Variants in SHCBP1 observed in about 807,000 individuals in gnomAD.
SHCBP1 encodes the protein SHC binding and spindle associated 1.
In SHCBP1, 60 loss-of-function variants were observed where a neutral mutation model predicts 75.1. That is an observed-to-expected ratio of 0.80 (90% CI 0.65 to 0.99). The LOEUF is 0.99. SHCBP1 is among the 50% of genes least tolerant of loss of function. The pLI, the probability that SHCBP1 is intolerant of heterozygous loss-of-function variation, is 0.00. For synonymous variants in SHCBP1, 290 were observed against 293.2 expected (o/e 0.99, Z 0.11); for missense variants, 709 against 809.4 (o/e 0.88, Z 1.50).
intron 4 of SHCBP1, among the ~76,000 whole-genome samples, chr16:46,614,265 G>A (rs1461386367): frequency 3.3e-5 from 5 of 152,116 alleles, no homozygotes; most frequent in South Asian, 2.1e-4. Context: ...CAGAGCATTC[G>A]AGTTAAGCTC....
Position 46,595,611 on chromosome 16 carries a change from C to T in SHCBP1, c.1405G>A (p.Val469Ile), listed in dbSNP as rs778481033. Residue 469 changes from valine to isoleucine, a missense_variant, in exon 10 of 13, where the codon GTC (valine) becomes ATC (isoleucine). Physicochemically the swap from Val to Ile is conservative, Grantham distance 29. Transcript: ENST00000303383. ...AACTCTGCTGATGTCCGCACTGTGA[C>T]TCCGGTCGTCTCACACTGCAGCACA... is the stretch of plus-strand genomic sequence containing the variant. ...NCVLQCETTG[V>I]TVRTSAEFLM... 8 of 1,614,096 alleles carry T rather than the reference C, an allele frequency of 5.0e-6. No homozygotes were observed. Among genetic ancestry groups the T allele is most frequent in the South Asian group, 1.1e-5 (1 of 91,086 alleles).
At chr16:46,602,309 T>G (rs1965252525) in intron 8 of SHCBP1, among the ~76,000 whole-genome samples, 2 of 151,998 alleles carry the variant, frequency 1.3e-5, no homozygotes, top group Non-Finnish European at 2.9e-5. Context: ...AGAACAAAAA[T>G]TACACACATA....
chr16:46,597,994 T>C (rs1363298044), intron 9 of SHCBP1, among the ~76,000 whole-genome samples: 2 of 152,222 alleles, frequency 1.3e-5, no homozygotes, highest in Non-Finnish European at 2.9e-5. Flanking sequence ...TATAAGATTG[T>C]AGCAATTCAG....
chr16:46,580,767 G>A lies in SHCBP1; in HGVS notation c.*962C>T, dbSNP rs1471135562. 1 of 148,720 alleles carries A rather than the reference G, an allele frequency of 6.7e-6. No individual in the cohort carries two copies. Among genetic ancestry groups the A allele is most frequent in the Non-Finnish European group, 1.5e-5 (1 of 67,472 alleles). The allele number at this position is 148,720 out of a possible 1,614,324, so 9.2% of individuals were successfully genotyped here. A position where few individuals can be genotyped will look rare whatever the true frequency, so the allele number is the denominator to read the frequency against. ...AATACTTTTTTTTTTTTTTGAGACT[G>A]GGTCTCGCTCTGTCGCCCAAGCTGG... On this transcript the variant is annotated 3_prime_UTR_variant, in exon 13 of 13. Coordinates refer to ENST00000303383, the MANE Select transcript of SHCBP1 (RefSeq NM_024745.5).
At chr16:46,604,842 T>TAG (rs1965301115) in intron 5 of SHCBP1, among the ~76,000 whole-genome samples, 2 of 152,106 alleles carry the variant, frequency 1.3e-5, no homozygotes, top group South Asian at 4.1e-4. Flanking sequence ...AATTTGGGAG[T>TAG]AGGGGTAGGG....
In SHCBP1 at chr16:46,581,163, C is replaced by T. The variant is rs1263274212; in HGVS notation, c.*566G>A. ...GCTTCAAACCTCCTATGCTGTCTAT[C>T]GCTGTTTTGACGACTGCATAGCTCA... On this transcript the variant is annotated 3_prime_UTR_variant, in exon 13 of 13. Coordinates refer to ENST00000303383, the MANE Select transcript of SHCBP1 (RefSeq NM_024745.5). 2 of 153,150 alleles carry T rather than the reference C, an allele frequency of 1.3e-5. No homozygotes were observed. The highest frequency in any genetic ancestry group is 2.9e-5 in the Non-Finnish European group (2 of 68,504). 9.5% of individuals were successfully genotyped at this position (153,150 alleles called of 1,614,324 possible). A position where few individuals can be genotyped will look rare whatever the true frequency, so the allele number is the denominator to read the frequency against.
chr16:46,615,777 T>C (rs1965486275), intron 4 of SHCBP1, among the ~76,000 whole-genome samples, 169 bp downstream of exon 4: 1 of 152,162 alleles, frequency 6.6e-6, no homozygotes, highest in Non-Finnish European at 1.5e-5. Flanking sequence ...AAAACATTTT[T>C]AATTTTTTTT....
Position 46,621,309 on chromosome 16 carries a change from C to T in SHCBP1, c.51G>A (p.Ala17=). 6.2e-7 allele frequency: 1 copy of T among 1,611,190 alleles called. No homozygotes were observed. The highest frequency in any genetic ancestry group is 8.5e-7 in the Non-Finnish European group (1 of 1,179,186). ...CCACCGCCCAGCCCATGCGCTCCGG[C>T]GCCATGGCCGCTGCCTCCAGACCGC... ...TGGGLEAAAM[A]PERMGWAVEQ... Residue 17 remains alanine (A), a synonymous_variant, in exon 1 of 13, where the codon GCG becomes GCA. Transcript: ENST00000303383.
At chr16:46,583,455 T>C in intron 12 of SHCBP1, 61 bp downstream of exon 12, 1 of 1,513,992 alleles carries the variant, frequency 6.6e-7, no homozygotes, top group South Asian at 1.3e-5. Context: ...AGATCCTTAA[T>C]CAGCATTTAA....
At position 46,617,681 on chromosome 16, in the gene SHCBP1, C is replaced by G; in HGVS notation, c.340G>C (p.Gly114Arg). The G allele has an allele frequency of 1.2e-6, 2 of 1,613,660 alleles. No individual in the cohort carries two copies. The highest frequency in any genetic ancestry group is 2.2e-5 in the East Asian group (1 of 44,896). ...EFLEKVLEPS[G>R]WRAVWHTNVF... ...TTAGTGTGCCAGACTGCCCGCCATC[C>G]AGATGGCTCAAGGACCTTCTCCAAG... Residue 114 changes from glycine (G) to arginine (R), a missense_variant, in exon 3 of 13, where the codon GGA becomes CGA. Physicochemically the swap from Gly to Arg is moderately radical, Grantham distance 125. Transcript: ENST00000303383.
chr16:46,603,508 G>A, intron 8 of SHCBP1, 31 bp downstream of exon 8: 1 of 1,613,366 alleles, frequency 6.2e-7, no homozygotes, highest in South Asian at 1.1e-5. Context: ...TATCACGTGT[G>A]AGAGTTTGGT....
intron 4 of SHCBP1, 77 bp downstream of exon 4, chr16:46,615,869 C>G (rs972433369): frequency 7.4e-5 from 104 of 1,397,504 alleles, no homozygotes; most frequent in Non-Finnish European, 8.9e-5. Context: ...AAATCTGGGT[C>G]TAACACAGAC....
At chr16:46,595,122 G>A (rs1965114200) in intron 10 of SHCBP1, among the ~76,000 whole-genome samples, 2 of 152,196 alleles carry the variant, frequency 1.3e-5, no homozygotes, top group South Asian at 2.1e-4. Flanking sequence ...TTGGCTCTAG[G>A]AGGGCAGCAT....
In SHCBP1 at chr16:46,604,148, A is replaced by C; in HGVS notation, c.924-5T>G. On this transcript the variant is annotated splice_region_variant and splice_polypyrimidine_tract_variant and intron_variant, in intron 6 of 12. Coordinates refer to ENST00000303383, the MANE Select transcript of SHCBP1 (RefSeq NM_024745.5). ...TTCTGATAACCAAACACATACCTTA[A>C]AGAAACGAAACAGGCCTATCAGTAA... is the stretch of plus-strand genomic sequence containing the variant. 6.2e-7 allele frequency: 1 copy of C among 1,613,778 alleles called. No homozygotes were observed.
intron 10 of SHCBP1, among the ~76,000 whole-genome samples, chr16:46,591,921 A>C (rs987274709): frequency 2.0e-5 from 3 of 152,102 alleles, no homozygotes; most frequent in Non-Finnish European, 4.4e-5. Context: ...AACGAATAAA[A>C]ATAAATATCA....
Position 46,595,057 on chromosome 16 carries a change from C to G in SHCBP1, c.1464+495G>C, listed in dbSNP as rs141166445. Among the ~76,000 whole-genome samples, 619 of 152,224 alleles carry G rather than the reference C, an allele frequency of 4.1e-3. 2 individuals are homozygous for G. The highest frequency in any genetic ancestry group is 5.8e-3 in the Non-Finnish European group (396 of 68,008). Reference sequence around the variant, plus strand: ...TGATGAAATAAATAGAAATGAAAAACAGCTTAAGGTGTGCCTGCAGTTAAG... The same window carrying G: ...TGATGAAATAAATAGAAATGAAAAAGAGCTTAAGGTGTGCCTGCAGTTAAG... On this transcript the variant is annotated intron_variant, in intron 10 of 12. Coordinates refer to ENST00000303383, the MANE Select transcript of SHCBP1 (RefSeq NM_024745.5).
chr16:46,591,441 A>G (rs1453845987), intron 10 of SHCBP1, among the ~76,000 whole-genome samples: 1 of 152,206 alleles, frequency 6.6e-6, no homozygotes, highest in Admixed American at 6.5e-5. Context: ...ACATAATCAT[A>G]AACATGCTGA....
chr16:46,620,916 G>GA (rs1965578095), intron 1 of SHCBP1: 2 of 242,118 alleles, frequency 8.3e-6, no homozygotes, highest in Admixed American at 5.5e-5. Flanking sequence ...AGATGCAGAT[G>GA]AAAAAATGGC....
chr16:46,608,006 T>C (rs896979465), intron 5 of SHCBP1, among the ~76,000 whole-genome samples: 1 of 152,264 alleles, frequency 6.6e-6, no homozygotes, highest in Non-Finnish European at 1.5e-5. Flanking sequence ...AACAAAACAG[T>C]GAGCTACTAA....
Sources: allele counts gnomAD v4.1 joint callset (sites outside exome capture counted in the v4.1 genomes callset), GRCh38; gene constraint gnomAD v4.1.1; transcripts MANE v1.5; gene names NCBI Gene and HGNC (gene_info 2026-07-23, HGNC 2026-07-21).